DPP6: variants seen among roughly 807,000 people sequenced by gnomAD.
The protein encoded by DPP6 is A-type potassium channel modulatory protein DPP6.
In DPP6, 69 loss-of-function variants were observed where a neutral mutation model predicts 122.6. That is an observed-to-expected ratio of 0.56 (90% CI 0.46 to 0.69). The LOEUF (loss-of-function observed/expected upper bound fraction) is 0.69, where lower values mean the gene tolerates loss of function less well. Ranked by LOEUF, DPP6 falls within the 30% of genes least tolerant of loss-of-function variation. The pLI, the probability that DPP6 is intolerant of heterozygous loss-of-function variation, is 0.00. For synonymous variants in DPP6, 418 were observed against 433.1 expected, an observed-to-expected ratio of 0.97 and a Z score of 0.43; for missense variants, 928 against 1,116.9, an observed-to-expected ratio of 0.83 and a Z score of 2.41.
At chr7:154,244,951 C>CTTTTTTTTT (rs745446498) in intron 1 of DPP6, among the ~76,000 whole-genome samples, 2 of 133,208 alleles carry the variant, frequency 1.5e-5, no homozygotes, top group Non-Finnish European at 3.2e-5. Flanking sequence ...TCTAAAGGGA[C>CTTTTTTTTT]TTTTTTTTTT....
intron 1 of DPP6, among the ~76,000 whole-genome samples, chr7:153,949,725 G>T (rs987494068): frequency 2.0e-5 from 3 of 152,222 alleles, no homozygotes; most frequent in African/African-American, 4.8e-5. Flanking sequence ...TGGAAGAACC[G>T]AGTTTACTGT....
intron 5 of DPP6, among the ~76,000 whole-genome samples, chr7:154,608,927 T>A (rs1456301183): frequency 6.6e-6 from 1 of 152,192 alleles, no homozygotes; most frequent in African/African-American, 2.4e-5. Flanking sequence ...CAGTCCCGTT[T>A]TCAAGAAAGT....
chr7:153,817,164 T>C, the DPP6 span, among the ~76,000 whole-genome samples: 13 of 149,140 alleles, frequency 8.7e-5, no homozygotes, highest in African/African-American at 3.0e-4. Flanking sequence ...CAAATCTGTT[T>C]CTTCTTCCTG....
At chr7:154,202,928 C>G (rs1236517348) in intron 1 of DPP6, among the ~76,000 whole-genome samples, 1 of 152,126 alleles carries the variant, frequency 6.6e-6, no homozygotes, top group African/African-American at 2.4e-5. Flanking sequence ...ACACACGAAG[C>G]ATTTTATTTT....
intron 4 of DPP6, among the ~76,000 whole-genome samples, chr7:154,550,736 A>G (rs895700053): frequency 6.8e-5 from 10 of 148,096 alleles, no homozygotes; most frequent in African/African-American, 2.5e-4. Context: ...CTTTCATTTT[A>G]GAATTTTAGT....
chr7:154,586,978 T>C (rs149996395), intron 5 of DPP6, among the ~76,000 whole-genome samples: 212 of 152,314 alleles, frequency 1.4e-3, no homozygotes, highest in African/African-American at 5.0e-3. Context: ...GTTGGATAAA[T>C]GAAAGAACAA....
chr7:154,183,774 A>G (rs1465564423), intron 1 of DPP6, among the ~76,000 whole-genome samples: 3 of 152,192 alleles, frequency 2.0e-5, no homozygotes, highest in Admixed American at 2.0e-4. Context: ...TGCCTGGCTC[A>G]CACTTTCATA....
intron 3 of DPP6, among the ~76,000 whole-genome samples, chr7:154,512,962 T>C (rs1032776981): frequency 2.0e-5 from 3 of 152,158 alleles, no homozygotes; most frequent in Admixed American, 1.3e-4. Context: ...CCATCTTCAA[T>C]TTTGTGGTCT....
the DPP6 span, among the ~76,000 whole-genome samples, chr7:153,804,833 G>A: frequency 3.3e-5 from 5 of 151,946 alleles, no homozygotes; most frequent in East Asian, 1.9e-4. Context: ...GCAGTGAGCC[G>A]AGATTGCACC....
chr7:154,099,167 A>G (rs571681970), intron 1 of DPP6, among the ~76,000 whole-genome samples: 15 of 152,228 alleles, frequency 9.9e-5, no homozygotes, highest in Non-Finnish European at 1.9e-4. Context: ...AATAGAGGAT[A>G]ATCGACTCTA....
chr7:154,709,775 TCG>T (rs1841061708), intron 7 of DPP6, among the ~76,000 whole-genome samples: 1 of 152,144 alleles, frequency 6.6e-6, no homozygotes. Flanking sequence ...TATATCTCTC[TCG>T]CTTCTTCTTA....
chr7:154,291,370 C>A (rs1303883693), intron 1 of DPP6, among the ~76,000 whole-genome samples: 1 of 152,144 alleles, frequency 6.6e-6, no homozygotes, highest in Non-Finnish European at 1.5e-5. Context: ...AAGGACACAG[C>A]CCCTACCCCT....
chr7:154,838,219 G>A (rs184135850), intron 16 of DPP6, among the ~76,000 whole-genome samples: 15 of 152,354 alleles, frequency 9.8e-5, no homozygotes, highest in Admixed American at 2.6e-4. Flanking sequence ...ACGATGTCAG[G>A]AATGTTTTTA....
intron 1 of DPP6, among the ~76,000 whole-genome samples, chr7:154,336,446 G>C (rs1809431479): frequency 6.6e-6 from 1 of 152,116 alleles, no homozygotes; most frequent in Admixed American, 6.5e-5. Context: ...GGGCAGGCGG[G>C]GTATGGAGAA....
At chr7:154,750,921 G>A (rs1843348950) in intron 8 of DPP6, among the ~76,000 whole-genome samples, 2 of 152,194 alleles carry the variant, frequency 1.3e-5, no homozygotes, top group African/African-American at 4.8e-5. Context: ...GAGGGGATGG[G>A]GCTCTGGGTG....
At chr7:153,921,917 C>A (rs901004813) in intron 1 of DPP6, among the ~76,000 whole-genome samples, 2 of 152,220 alleles carry the variant, frequency 1.3e-5, no homozygotes, top group Non-Finnish European at 2.9e-5. Flanking sequence ...GCTGACACAC[C>A]CAGCTGTGCA....
At chr7:154,063,073 G>A (rs1488414611) in intron 1 of DPP6, among the ~76,000 whole-genome samples, 4 of 131,320 alleles carry the variant, frequency 3.0e-5, no homozygotes, top group Non-Finnish European at 6.7e-5. Context: ...GGGACTGAGA[G>A]CTATCCCCTC....
At chr7:153,770,537 G>GA in the DPP6 span, among the ~76,000 whole-genome samples, 37 of 148,860 alleles carry the variant, frequency 2.5e-4, no homozygotes, top group Admixed American at 8.7e-4. Context: ...CAAGGAGAAG[G>GA]AAAAAAAAAG....
Position 154,553,154 on chromosome 7 carries a change from C to G in DPP6, c.552+12528C>G, listed in dbSNP as rs144744359. 3.2e-3 allele frequency among the ~76,000 whole-genome samples: 491 copies of G among 152,316 alleles called. 4 individuals carry two copies. Among genetic ancestry groups the G allele is most frequent in the African/African-American group, 0.012 (478 of 41,564 alleles). ...AACAAAACATCGACAGTGGCTGCTTCAAGTCCAGGTGAATGTGATGGAGGT... is the reference window on the plus strand; with the variant it reads ...AACAAAACATCGACAGTGGCTGCTTGAAGTCCAGGTGAATGTGATGGAGGT... On this transcript the variant is annotated intron_variant, in intron 4 of 25. Transcript: ENST00000377770.
Sources: allele counts gnomAD v4.1 joint callset (sites outside exome capture counted in the v4.1 genomes callset), GRCh38; gene constraint gnomAD v4.1.1; transcripts MANE v1.5; gene names NCBI Gene and HGNC (gene_info 2026-07-23, HGNC 2026-07-21).